BCL11A: variants seen among roughly 807,000 people sequenced by gnomAD.
BCL11A encodes the protein BCL11 transcription factor A.
A neutral mutation model predicts 55.9 loss-of-function variants in BCL11A; 2 were observed. That is an observed-to-expected ratio of 0.04 (90% confidence interval 0.01 to 0.11). The LOEUF is 0.11. BCL11A is among the 10% of genes least tolerant of loss of function. The pLI is 1.00. For synonymous variants in BCL11A, 465 were observed against 473.4 expected (o/e 0.98, Z 0.23); for missense variants, 817 against 1,137.1 (o/e 0.72, Z 4.05).
chr2:60,487,353 G>A (rs541141465), intron 2 of BCL11A, among the ~76,000 whole-genome samples: 5 of 152,236 alleles, frequency 3.3e-5, no homozygotes, highest in African/African-American at 9.6e-5. Context: ...GCCACACACC[G>A]AGAGTGGAAA....
chr2:60,476,344 C>A (rs1019169946), intron 2 of BCL11A, among the ~76,000 whole-genome samples: 38 of 152,228 alleles, frequency 2.5e-4, no homozygotes, highest in African/African-American at 8.0e-4. Context: ...CAGGAAGAAA[C>A]TTCCCCAAAC....
chr2:60,485,771 C>G (rs1678241922), intron 2 of BCL11A, among the ~76,000 whole-genome samples: 1 of 152,166 alleles, frequency 6.6e-6, no homozygotes, highest in Non-Finnish European at 1.5e-5. Flanking sequence ...GAACTACGGG[C>G]TGAGCTCAAC....
At chr2:60,513,368 T>C (rs898524656) in intron 2 of BCL11A, among the ~76,000 whole-genome samples, 5 of 152,150 alleles carry the variant, frequency 3.3e-5, no homozygotes, top group Non-Finnish European at 5.9e-5. Flanking sequence ...TCAGGAGCCA[T>C]CTGCCGGGTG....
chr2:60,507,229 A>AG (rs1679652101), intron 2 of BCL11A, among the ~76,000 whole-genome samples: 1 of 49,452 alleles, frequency 2.0e-5, no homozygotes, highest in African/African-American at 2.2e-4. Flanking sequence ...GAAGGAAGGA[A>AG]GGAAGGGAGG....
chr2:60,465,831 T>C (rs1404740795), intron 3 of BCL11A, among the ~76,000 whole-genome samples: 2 of 152,196 alleles, frequency 1.3e-5, no homozygotes, highest in Non-Finnish European at 2.9e-5. Flanking sequence ...GATTAATTAC[T>C]GAGGGTAATG....
At position 60,459,861 on chromosome 2, in the gene BCL11A, T is replaced by G. The variant is rs1017330837; in HGVS notation, c.*543A>C. The G allele has an allele frequency of 3.8e-6, 4 of 1,046,856 alleles. No individual in the cohort carries two copies. In the African/African-American group the frequency reaches 6.7e-5, roughly 17 times the overall value. 64.8% of individuals were successfully genotyped at this position (1,046,856 alleles called of 1,614,324 possible). A position where few individuals can be genotyped will look rare whatever the true frequency, so the allele number is the denominator to read the frequency against. On this transcript the variant is annotated 3_prime_UTR_variant, in exon 4 of 4. Coordinates refer to ENST00000642384, the MANE Select transcript of BCL11A (RefSeq NM_022893.4). ...GTCTATAGAGGGTTAATCCAAAGAC[T>G]GTTTTTCCTCCTCACGTTATAAAAT...
Position 60,460,435 on chromosome 2 carries a change from C to G in BCL11A, c.2477G>C (p.Arg826Pro). ...EKHMKKWHSD[R>P]VLNNDIKTE The stretch of plus-strand genomic sequence containing the variant: ...AGTTTTTATATCATTATTCAACACT[C>G]GATCACTGTGCCATTTTTTCATGTG... The change falls in exon 4 of 4, where the codon CGA (arginine) becomes CCA (proline). Residue 826 changes from arginine to proline, a missense_variant. By Grantham distance (103) the Arg-to-Pro change is moderately radical. Around this residue, in one of 4 missense-constraint regions of BCL11A, gnomAD observed 30 missense variants for 116.3 expected, o/e 0.26. Transcript: ENST00000642384. 6.2e-7 allele frequency: 1 copy of G among 1,606,332 alleles called. No individual in the cohort carries two copies. The highest frequency in any genetic ancestry group is 1.1e-5 in the South Asian group (1 of 90,880).
chr2:60,483,523 C>A (rs760838566), intron 2 of BCL11A, among the ~76,000 whole-genome samples: 2 of 152,196 alleles, frequency 1.3e-5, no homozygotes, highest in Non-Finnish European at 2.9e-5. Flanking sequence ...AAATCAACTG[C>A]TGTCTATGTC....
intron 1 of BCL11A, among the ~76,000 whole-genome samples, chr2:60,551,100 AAC>A (rs1456506311): frequency 6.6e-6 from 1 of 152,216 alleles, no homozygotes; most frequent in Non-Finnish European, 1.5e-5. Context: ...CCTTTAAAAA[AAC>A]ACAGAACCAA....
At chr2:60,473,464 C>A (rs1257176598) in intron 2 of BCL11A, among the ~76,000 whole-genome samples, 1 of 152,108 alleles carries the variant, frequency 6.6e-6, no homozygotes, top group Non-Finnish European at 1.5e-5. Context: ...CTCAGCTCTT[C>A]CATGTACCAC....
intron 2 of BCL11A, among the ~76,000 whole-genome samples, chr2:60,487,925 T>TAA (rs1439593893): frequency 6.6e-6 from 1 of 152,206 alleles, no homozygotes; most frequent in African/African-American, 2.4e-5. Context: ...AGCTCCCTGA[T>TAA]AACATCTGCC....
rs189201046 is a variant in BCL11A, at chr2:60,515,570, G to A, written c.385+30401C>T. 2.4e-4 allele frequency among the ~76,000 whole-genome samples: 37 copies of A among 152,300 alleles called. No homozygotes were observed. The East Asian group carries it at 6.9e-3, about 29-fold the overall frequency. On this transcript the variant is annotated intron_variant, in intron 2 of 3. Transcript: ENST00000642384. ...AAAGCCAAGTTGCTGACAGAGTCAGGCCTTCCTAGTTACCTAGAAAAATGG... is the reference window on the plus strand; with the variant it reads ...AAAGCCAAGTTGCTGACAGAGTCAGACCTTCCTAGTTACCTAGAAAAATGG...
intron 2 of BCL11A, among the ~76,000 whole-genome samples, chr2:60,477,538 CA>C (rs1251717559): frequency 6.6e-6 from 1 of 152,040 alleles, no homozygotes; most frequent in African/African-American, 2.4e-5. Flanking sequence ...CACCATGGTA[CA>C]TGTATACTTA....
At position 60,460,377 on chromosome 2, in the gene BCL11A, G is replaced by T; in HGVS notation, c.*27C>A. ...TGGTGAAAAAGGGGGTGTCAGGTGG[G>T]AGTGAGGGAGGGGTATTAATATACC... On this transcript the variant is annotated 3_prime_UTR_variant, in exon 4 of 4. Transcript: ENST00000642384. The T allele has an allele frequency of 6.4e-7, 1 of 1,560,782 alleles. No homozygotes were observed. Among genetic ancestry groups the T allele is most frequent in the South Asian group, 1.2e-5 (1 of 82,718 alleles).
intron 2 of BCL11A, among the ~76,000 whole-genome samples, chr2:60,509,576 G>A (rs1316866730): frequency 6.6e-6 from 1 of 151,956 alleles, no homozygotes; most frequent in Non-Finnish European, 1.5e-5. Context: ...ACAAACGAAG[G>A]GAAAGAAATG....
At chr2:60,492,899 C>G (rs1678727728) in intron 2 of BCL11A, among the ~76,000 whole-genome samples, 1 of 152,152 alleles carries the variant, frequency 6.6e-6, no homozygotes, top group South Asian at 2.1e-4. Flanking sequence ...CAGTTGTATA[C>G]AGCTGTGTGG....
At chr2:60,511,275 C>G (rs916623536) in intron 2 of BCL11A, among the ~76,000 whole-genome samples, 4 of 152,218 alleles carry the variant, frequency 2.6e-5, no homozygotes, top group African/African-American at 9.7e-5. Flanking sequence ...CGGGATGCAG[C>G]CAGAAAAGCT....
At chr2:60,504,180 C>T (rs961192482) in intron 2 of BCL11A, among the ~76,000 whole-genome samples, 1 of 152,224 alleles carries the variant, frequency 6.6e-6, no homozygotes, top group Non-Finnish European at 1.5e-5. Context: ...GATGCTCAGC[C>T]GGGCACAAGA....
At chr2:60,469,646 C>A (rs1343771911) in intron 2 of BCL11A, among the ~76,000 whole-genome samples, 1 of 152,244 alleles carries the variant, frequency 6.6e-6, no homozygotes, top group African/African-American at 2.4e-5. Context: ...AGACAAGTGA[C>A]TTCTCACACT....
Sources: allele counts gnomAD v4.1 joint callset (sites outside exome capture counted in the v4.1 genomes callset), GRCh38; gene constraint gnomAD v4.1.1; regional missense constraint gnomAD v4.1.1; transcripts MANE v1.5; gene names NCBI Gene and HGNC (gene_info 2026-07-23, HGNC 2026-07-21).